PLCB1: variants seen among roughly 807,000 people sequenced by gnomAD.
The protein encoded by PLCB1 is phospholipase C beta 1, also known as 1-phosphatidylinositol 4,5-bisphosphate phosphodiesterase beta-1.
Under a neutral mutation model 161.8 loss-of-function variants are expected in PLCB1, and 46 were observed. That is an observed-to-expected ratio of 0.28 (90% CI 0.22 to 0.36). The LOEUF (loss-of-function observed/expected upper bound fraction) is 0.36. PLCB1 is among the 10% of genes least tolerant of loss of function. The probability of loss-of-function intolerance (pLI) is 1.00; values close to 1 mark genes in which losing one functional copy is unlikely to be tolerated. For missense variants in PLCB1, 1,016 were observed against 1,472.5 expected, an observed-to-expected ratio of 0.69 and a Z score of 5.07; for synonymous variants, 517 against 503.7, an observed-to-expected ratio of 1.03 and a Z score of -0.35.
chr20:8,772,024 C>A (rs929492340), intron 26 of PLCB1, among the ~76,000 whole-genome samples: 2 of 150,506 alleles, frequency 1.3e-5, no homozygotes, highest in Non-Finnish European at 3.0e-5. Context: ...TGGAACTAGT[C>A]GCATGCCACT....
chr20:8,362,050 C>T (rs1986560586), intron 2 of PLCB1, among the ~76,000 whole-genome samples: 1 of 152,150 alleles, frequency 6.6e-6, no homozygotes, highest in Admixed American at 6.5e-5. Context: ...CCATCTTTAT[C>T]ATCATAGTTG....
intron 2 of PLCB1, among the ~76,000 whole-genome samples, chr20:8,213,361 A>T (rs1978936261): frequency 6.6e-6 from 1 of 152,158 alleles, no homozygotes; most frequent in African/African-American, 2.4e-5. Context: ...GGAAAAGCTC[A>T]CTGGGAAGTG....
rs372282592 is a variant in PLCB1 at position 8,489,188 on chromosome 20, G to C, written c.246+117738G>C. Among the ~76,000 whole-genome samples the C allele has an allele frequency of 9.9e-5, 15 of 152,234 alleles. No individual in the cohort carries two copies. The South Asian group carries it at 1.7e-3, about 17-fold the overall frequency. ...TACGTCTATTATGGGGAGATGAAAG[G>C]GGGGTTAGGGGCAAGCACAGACTTG... On this transcript the variant is annotated intron_variant, in intron 3 of 31. Transcript: ENST00000338037.
intron 3 of PLCB1, among the ~76,000 whole-genome samples, chr20:8,540,443 G>A (rs1261189652): frequency 6.6e-6 from 1 of 152,108 alleles, no homozygotes; most frequent in East Asian, 1.9e-4. Flanking sequence ...GGTACATCTT[G>A]CATATTTTAG....
chr20:8,305,088 T>A (rs185029746), intron 2 of PLCB1, among the ~76,000 whole-genome samples: 1 of 152,324 alleles, frequency 6.6e-6, no homozygotes, highest in Admixed American at 6.5e-5. Context: ...GGATGTGTTG[T>A]TGTTATTGTT....
chr20:8,875,122 A>G (rs1210516673), intron 31 of PLCB1, among the ~76,000 whole-genome samples: 1 of 151,536 alleles, frequency 6.6e-6, no homozygotes, highest in Non-Finnish European at 1.5e-5. Flanking sequence ...TATTGTATAT[A>G]TATTCTTTGT....
chr20:8,559,227 T>C (rs1218917047), intron 3 of PLCB1, among the ~76,000 whole-genome samples: 1 of 151,950 alleles, frequency 6.6e-6, no homozygotes, highest in Non-Finnish European at 1.5e-5. Flanking sequence ...AGCAAAGTAA[T>C]TGTATACTCT....
intron 1 of PLCB1, among the ~76,000 whole-genome samples, chr20:8,146,213 A>T (rs1204834849): frequency 2.0e-5 from 3 of 152,002 alleles, no homozygotes; most frequent in Non-Finnish European, 4.4e-5. Flanking sequence ...AAAAATAAAA[A>T]CCTAAAAAGC....
rs2146220078 is a variant in PLCB1 at position 8,788,434 on chromosome 20, A to G, written c.3112-15A>G. ...CAATCATTTGAAATAGCAAACTGAC[A>G]TTTTCTTTTTCCAGCTTATTCAAAA... On this transcript the variant is annotated splice_polypyrimidine_tract_variant and intron_variant, in intron 27 of 31. Coordinates refer to ENST00000338037, the MANE Select transcript of PLCB1 (RefSeq NM_015192.4). 1.2e-6 allele frequency: 2 copies of G among 1,611,236 alleles called. No individual in the cohort carries two copies. Among genetic ancestry groups the G allele is most frequent in the Middle Eastern group, 1.7e-4 (1 of 6,052 alleles).
chr20:8,262,943 C>G (rs900739927), intron 2 of PLCB1, among the ~76,000 whole-genome samples: 1 of 152,140 alleles, frequency 6.6e-6, no homozygotes, highest in African/African-American at 2.4e-5. Context: ...CTCTGATGAC[C>G]TAATCTAAAC....
intron 15 of PLCB1, among the ~76,000 whole-genome samples, chr20:8,723,974 T>A (rs1211948132): frequency 1.4e-5 from 2 of 146,992 alleles, no homozygotes; most frequent in African/African-American, 4.9e-5. Flanking sequence ...GTCACCTACC[T>A]AACAATTTTC....
intron 31 of PLCB1, chr20:8,802,211 G>T (rs1216349345): frequency 3.8e-6 from 4 of 1,065,602 alleles, no homozygotes; most frequent in African/African-American, 1.6e-5. Flanking sequence ...TGAGAGAAGG[G>T]TGGTGTGTAG....
intron 3 of PLCB1, among the ~76,000 whole-genome samples, chr20:8,398,951 C>A (rs1978421528): frequency 6.6e-6 from 1 of 151,458 alleles, no homozygotes; most frequent in African/African-American, 2.4e-5. Flanking sequence ...GTTGTTTCTG[C>A]CTTGTAAGTT....
intron 2 of PLCB1, among the ~76,000 whole-genome samples, chr20:8,286,499 A>G (rs1983130075): frequency 1.3e-5 from 2 of 152,316 alleles, no homozygotes; most frequent in Middle Eastern, 3.4e-3. Context: ...AGCAATATAT[A>G]CATACTCCCA....
At chr20:8,481,359 G>A (rs910365204) in intron 3 of PLCB1, among the ~76,000 whole-genome samples, 2 of 152,094 alleles carry the variant, frequency 1.3e-5, no homozygotes, top group African/African-American at 2.4e-5. Flanking sequence ...TTGTTTGGAT[G>A]ACTTCTGATA....
Position 8,248,653 on chromosome 20 carries a change from G to C in PLCB1, c.177+98282G>C, listed in dbSNP as rs1306459958. 6 of 151,870 alleles carry C rather than the reference G, an allele frequency of 4.0e-5. No homozygotes were observed. The East Asian group carries it at 1.2e-3, about 30-fold the overall frequency. The allele number at this position is 151,870 out of a possible 1,614,324, so 9.4% of individuals were successfully genotyped here. A position where few individuals can be genotyped will look rare whatever the true frequency, so the allele number is the denominator to read the frequency against. ...CTACTACTGAGGTCAAAATTCATGT[G>C]TTATTTTTGTAAGCAGCTACTAAAG... On this transcript the variant is annotated intron_variant, in intron 2 of 31. Coordinates refer to ENST00000338037, the MANE Select transcript of PLCB1 (RefSeq NM_015192.4).
At chr20:8,395,121 A>G (rs756472519) in intron 3 of PLCB1, among the ~76,000 whole-genome samples, 1 of 152,120 alleles carries the variant, frequency 6.6e-6, no homozygotes, top group Non-Finnish European at 1.5e-5. Context: ...ACCTTAGTAT[A>G]AATAAATTTA....
At chr20:8,657,342 T>G in intron 8 of PLCB1, 58 bp downstream of exon 8, 1 of 996,120 alleles carries the variant, frequency 1.0e-6, no homozygotes, top group Non-Finnish European at 1.6e-6. Context: ...CTCAGGTGGC[T>G]AGAGCAGGAC....
chr20:8,226,358 G>A (rs904330223), intron 2 of PLCB1, among the ~76,000 whole-genome samples: 60 of 152,128 alleles, frequency 3.9e-4, no homozygotes, highest in Middle Eastern at 6.8e-3. Context: ...CCTCCCTCAC[G>A]TTTGCCATTT....
Sources: gnomAD v4.1 joint callset for allele counts (sites outside exome capture counted in the v4.1 genomes callset) on GRCh38, gnomAD v4.1.1 for gene constraint, MANE v1.5 for transcripts, NCBI Gene and HGNC (gene_info 2026-07-23, HGNC 2026-07-21) for gene names.